The following GMPS variants were observed in gnomAD, a reference collection of about 807,000 sequenced individuals.
The protein encoded by GMPS is GMP synthase [glutamine-hydrolyzing].
In GMPS, 15 loss-of-function variants were observed where a neutral mutation model predicts 77.9. The ratio of observed to expected loss-of-function variants is 0.19; its 90% CI spans 0.13 to 0.30. GMPS has a LOEUF of 0.30. Among genes scored for constraint, GMPS ranks in the 10% least tolerant of loss-of-function variants. The pLI, the probability that GMPS is intolerant of heterozygous loss-of-function variation, is 1.00. For synonymous variants in GMPS, 224 were observed against 275.9 expected, an observed-to-expected ratio of 0.81 and a Z score of 1.86; for missense variants, 590 against 838.8, an observed-to-expected ratio of 0.70 and a Z score of 3.66.
At chr3:155,934,017 T>G (rs1755698482) in intron 13 of GMPS, among the ~76,000 whole-genome samples, 1 of 152,208 alleles carries the variant, frequency 6.6e-6, no homozygotes, top group Non-Finnish European at 1.5e-5. Flanking sequence ...GGATACTAAG[T>G]CCTATTTCAA....
intron 15 of GMPS, among the ~76,000 whole-genome samples, 171 bp downstream of exon 15, chr3:155,936,681 A>G (rs1755773824): frequency 6.6e-6 from 1 of 152,134 alleles, no homozygotes; most frequent in Admixed American, 6.5e-5. Flanking sequence ...TGGGGCAGAA[A>G]AAGGCTTTAA....
intron 1 of GMPS, among the ~76,000 whole-genome samples, chr3:155,882,114 T>C (rs1251628901): frequency 1.3e-5 from 2 of 152,132 alleles, no homozygotes; most frequent in East Asian, 3.8e-4. Flanking sequence ...TGGTGTACTA[T>C]GACTTCTGCC....
intron 3 of GMPS, among the ~76,000 whole-genome samples, chr3:155,901,236 A>G (rs1358707920): frequency 6.6e-6 from 1 of 152,080 alleles, no homozygotes; most frequent in Admixed American, 6.5e-5. Context: ...ATATTCCTAA[A>G]TAATATATTA....
At chr3:155,920,846 C>G (rs553207159) in intron 10 of GMPS, among the ~76,000 whole-genome samples, 28 of 152,306 alleles carry the variant, frequency 1.8e-4, no homozygotes, top group Admixed American at 1.3e-3. Flanking sequence ...TTGCCTATAA[C>G]TAGGCATCTC....
At chr3:155,904,264 C>G (rs1207692203) in intron 4 of GMPS, among the ~76,000 whole-genome samples, 1 of 151,460 alleles carries the variant, frequency 6.6e-6, no homozygotes, top group Non-Finnish European at 1.5e-5. Context: ...ACTCTTTGAT[C>G]TGTTTTTAAA....
At chr3:155,906,781 T>C (rs917508847) in intron 5 of GMPS, among the ~76,000 whole-genome samples, 4 of 152,156 alleles carry the variant, frequency 2.6e-5, no homozygotes, top group Non-Finnish European at 5.9e-5. Context: ...AGGGTTATAA[T>C]AAAATACAGG....
intron 2 of GMPS, among the ~76,000 whole-genome samples, chr3:155,896,719 CCTTA>C (rs1214499141): frequency 7.0e-6 from 1 of 143,404 alleles, no homozygotes; most frequent in Non-Finnish European, 1.5e-5. Context: ...CCATGCCCAG[CCTTA>C]CTGAGATTTT....
chr3:155,927,256 A>G (rs1280034016), intron 12 of GMPS, among the ~76,000 whole-genome samples: 3 of 152,166 alleles, frequency 2.0e-5, no homozygotes, highest in Non-Finnish European at 2.9e-5. Context: ...GAAATTTGCA[A>G]TGATACTTAC....
chr3:155,881,611 A>G (rs1454764231), intron 1 of GMPS, among the ~76,000 whole-genome samples: 2 of 152,214 alleles, frequency 1.3e-5, no homozygotes. Context: ...CAATCACAAA[A>G]TGTAAGTGGC....
rs1577492369 is a variant in GMPS at position 155,870,699 on chromosome 3, C to A, written c.-172C>A. ...TCCCGCGGCGCTGGGGCCCGCGCTCCGCTGCTGTTGCTCCATTCGGCGCTT... is the reference window on the plus strand; with the variant it reads ...TCCCGCGGCGCTGGGGCCCGCGCTCAGCTGCTGTTGCTCCATTCGGCGCTT... On this transcript the variant is annotated 5_prime_UTR_variant, in exon 1 of 16. Coordinates refer to ENST00000496455, the MANE Select transcript of GMPS (RefSeq NM_003875.3). 1 of 530,296 alleles carries A rather than the reference C, an allele frequency of 1.9e-6. No homozygotes were observed. The highest frequency in any genetic ancestry group is 3.3e-6 in the Non-Finnish European group (1 of 298,676). 32.8% of individuals were successfully genotyped at this position (530,296 alleles called of 1,614,324 possible). A position where few individuals can be genotyped will look rare whatever the true frequency, so the allele number is the denominator to read the frequency against.
upstream of GMPS, chr3:155,870,488 C>T: frequency 4.8e-6 from 1 of 206,294 alleles, no homozygotes; most frequent in Non-Finnish European, 9.8e-6. Flanking sequence ...GCTTTGCCGG[C>T]GGGGACCGGG....
chr3:155,915,417 T>C (rs1755152314), intron 8 of GMPS, among the ~76,000 whole-genome samples: 1 of 152,002 alleles, frequency 6.6e-6, no homozygotes, highest in African/African-American at 2.4e-5. Flanking sequence ...TTTTTCTTTT[T>C]TTGAGATGGA....
chr3:155,914,312 C>A, intron 7 of GMPS, 107 bp from the exon 8 acceptor site: 1 of 737,080 alleles, frequency 1.4e-6, no homozygotes, highest in African/African-American at 1.8e-5. Context: ...CAAAGGACTG[C>A]TCTTCAGACT....
intron 11 of GMPS, among the ~76,000 whole-genome samples, chr3:155,922,874 T>G (rs62287760): frequency 0.054 from 8,294 of 152,184 alleles, 318 homozygotes; most frequent in East Asian, 0.18. Context: ...TGCAACGAAA[T>G]AATTTTAAAG....
rs756875617 is a variant in GMPS at position 155,910,753 on chromosome 3, A to G, written c.588A>G (p.Thr196=). The G allele has an allele frequency of 6.2e-7, 1 of 1,611,662 alleles. No homozygotes were observed. The highest frequency in any genetic ancestry group is 2.2e-5 in the East Asian group (1 of 44,858). ...AGTTCCACCCTGAAGTTGGCCTTAC[A>G]GAAAATGGAAAAGTAATACTGAAGA... ...GAQFHPEVGL[T]ENGKVILKNF... is the part of the protein sequence containing the mutation. The change falls in exon 6 of 16, where the codon ACA becomes ACG. Residue 196 remains threonine (T), a synonymous_variant. Coordinates refer to ENST00000496455, the MANE Select transcript of GMPS (RefSeq NM_003875.3).
At chr3:155,930,121 T>C (rs1755574126) in intron 12 of GMPS, among the ~76,000 whole-genome samples, 1 of 145,328 alleles carries the variant, frequency 6.9e-6, no homozygotes, top group South Asian at 2.4e-4. Context: ...ACTACAACGC[T>C]ACAGTAACCA....
upstream of GMPS, chr3:155,870,524 G>T (rs1753875048): frequency 8.3e-6 from 2 of 242,246 alleles, no homozygotes; most frequent in African/African-American, 4.4e-5. Context: ...GGCGCCGCGA[G>T]CCCCTCCTCT....
chr3:155,900,841 G>A (rs1425647029), intron 3 of GMPS, among the ~76,000 whole-genome samples: 1 of 152,104 alleles, frequency 6.6e-6, no homozygotes, highest in African/African-American at 2.4e-5. Flanking sequence ...TCTAGCTAAC[G>A]TGTGTTTGTA....
At chr3:155,914,370 T>C in intron 7 of GMPS, 49 bp from the exon 8 acceptor site, 1 of 1,343,378 alleles carries the variant, frequency 7.4e-7, no homozygotes, top group South Asian at 1.8e-5. Flanking sequence ...TTATTTTTGA[T>C]TAAAAAACAT....
Sources: gnomAD v4.1 joint callset for allele counts (sites outside exome capture counted in the v4.1 genomes callset) on GRCh38, gnomAD v4.1.1 for gene constraint, MANE v1.5 for transcripts, NCBI Gene and HGNC (gene_info 2026-07-23, HGNC 2026-07-21) for gene names.